The following NUDT5 variants were observed in gnomAD, a reference collection of about 807,000 sequenced individuals.
NUDT5 encodes the protein ADP-sugar pyrophosphatase.
In NUDT5, 21 loss-of-function variants were observed where a neutral mutation model predicts 34.1. The ratio of observed to expected loss-of-function variants is 0.62; its 90% CI spans 0.44 to 0.89. The LOEUF (loss-of-function observed/expected upper bound fraction) is 0.89. NUDT5 is among the 40% of genes least tolerant of loss of function. The pLI is 0.00. For missense variants in NUDT5, 249 were observed against 274.8 expected, an observed-to-expected ratio of 0.91 and a Z score of 0.66; for synonymous variants, 85 against 97.6, an observed-to-expected ratio of 0.87 and a Z score of 0.76.
intron 4 of NUDT5, 88 bp downstream of exon 4, chr10:12,178,995 G>C (rs1835000802): frequency 9.4e-7 from 1 of 1,069,100 alleles, no homozygotes; most frequent in East Asian, 2.4e-5. Flanking sequence ...CATCCTAATA[G>C]AAGTTAACTT....
chr10:12,179,397 A>G (rs77820947), intron 3 of NUDT5, among the ~76,000 whole-genome samples: 4,679 of 152,276 alleles, frequency 0.031, 132 homozygotes, highest in Non-Finnish European at 0.045. Context: ...TAAGCATGTG[A>G]GCTGCCGCTT....
At chr10:12,190,037 G>T (rs1215186504) in intron 1 of NUDT5, among the ~76,000 whole-genome samples, 1 of 152,032 alleles carries the variant, frequency 6.6e-6, no homozygotes, top group African/African-American at 2.4e-5. Context: ...GGGATTACAG[G>T]TACCTGCCAC....
intron 1 of NUDT5, among the ~76,000 whole-genome samples, chr10:12,186,644 T>C (rs547681942): frequency 6.6e-6 from 1 of 151,592 alleles, no homozygotes; most frequent in Non-Finnish European, 1.5e-5. Flanking sequence ...TTTTTGTTTT[T>C]TTTGAGAGAG....
At chr10:12,195,068 G>A (rs1473898777) in intron 1 of NUDT5, among the ~76,000 whole-genome samples, 1 of 152,210 alleles carries the variant, frequency 6.6e-6, no homozygotes, top group African/African-American at 2.4e-5. Flanking sequence ...GCTAAGGCAG[G>A]AGAATCACTT....
In NUDT5 at chr10:12,167,255, CT is replaced by C; in HGVS notation, c.*446del. ...ATTCAATTAGAAGAGGCCAAAAAGC[CT>C]TTTTTTTCTTTTTAACGCTGTTTTA... On this transcript the variant is annotated 3_prime_UTR_variant, in exon 10 of 10. Coordinates refer to ENST00000491614, the MANE Select transcript of NUDT5 (RefSeq NM_014142.4). 2 of 158,664 alleles carry C rather than the reference CT, an allele frequency of 1.3e-5. No individual in the cohort carries two copies. Among genetic ancestry groups the C allele is most frequent in the South Asian group, 1.8e-4 (1 of 5,686 alleles). The allele number at this position is 158,664 out of a possible 1,614,324, so 9.8% of individuals were successfully genotyped here.
At position 12,173,652 on chromosome 10, in the gene NUDT5, C is replaced by G; in HGVS notation, c.385+66G>C. 1 of 1,207,070 alleles carries G rather than the reference C, an allele frequency of 8.3e-7. No homozygotes were observed. Among genetic ancestry groups the G allele is most frequent in the Non-Finnish European group, 1.2e-6 (1 of 809,626 alleles). 74.8% of individuals were successfully genotyped at this position (1,207,070 alleles called of 1,614,324 possible). ...AGTGAATTCTGAGCGTAAAGAACAC[C>G]CAAATAATCAATCCCTTCCCAGACG... On this transcript the variant is annotated intron_variant, in intron 6 of 9. Coordinates refer to ENST00000491614, the MANE Select transcript of NUDT5 (RefSeq NM_014142.4). The surrounding 1 kb of genome is among the most constrained non-coding windows in gnomAD (Gnocchi z 4.7).
At chr10:12,194,292 A>C (rs536953079) in intron 1 of NUDT5, among the ~76,000 whole-genome samples, 1 of 152,326 alleles carries the variant, frequency 6.6e-6, no homozygotes, top group African/African-American at 2.4e-5. Flanking sequence ...ATCTGACCTA[A>C]ATAAATCCCC....
intron 4 of NUDT5, 24 bp from the exon 5 acceptor site, chr10:12,177,924 G>A (rs182058107): frequency 1.9e-6 from 3 of 1,580,348 alleles, no homozygotes; most frequent in East Asian, 4.5e-5. Flanking sequence ...ATGGAACCAA[G>A]GAAATCCCTA....
chr10:12,175,740 C>T lies in NUDT5; in HGVS notation c.290-1927G>A, dbSNP rs1834938538. Among the ~76,000 whole-genome samples the T allele has an allele frequency of 6.6e-6, 1 of 151,994 alleles. No individual in the cohort carries two copies. The highest frequency in any genetic ancestry group is 2.1e-4 in the South Asian group (1 of 4,816). The stretch of plus-strand genomic sequence containing the variant: ...TTGAGCCAAGGAGTTAGAGATCAGC[C>T]TGGGCAACATGGCAAAACCCCATCT... On this transcript the variant is annotated intron_variant, in intron 5 of 9. Transcript: ENST00000491614. The surrounding 1 kb of genome is among the most constrained non-coding windows in gnomAD (Gnocchi z 4.8).
intron 3 of NUDT5, chr10:12,184,539 T>C (rs1341984213): frequency 2.0e-6 from 3 of 1,534,706 alleles, no homozygotes; most frequent in Non-Finnish European, 8.8e-7. Flanking sequence ...TCTTCTAATT[T>C]AGAAATTAAA....
At position 12,171,692 on chromosome 10, in the gene NUDT5, TTTATTTATTTATTTATTTATTTATTTA is replaced by T. The variant is rs1303834368; in HGVS notation, c.488-811_488-785del. Among the ~76,000 whole-genome samples, 1 of 45,370 alleles carries T rather than the reference TTTATTTATTTATTTATTTATTTATTTA, an allele frequency of 2.2e-5. No homozygotes were observed. The highest frequency in any genetic ancestry group is 6.2e-5 in the Non-Finnish European group (1 of 16,128). The allele number at this position is 45,370 out of a possible 152,430, so 29.8% of individuals were successfully genotyped here. A position where few individuals can be genotyped will look rare whatever the true frequency, so the allele number is the denominator to read the frequency against. On this transcript the variant is annotated intron_variant, in intron 7 of 9. Coordinates refer to ENST00000491614, the MANE Select transcript of NUDT5 (RefSeq NM_014142.4). The surrounding 1 kb of genome is among the most constrained non-coding windows in gnomAD (Gnocchi z 4.2). ...AGTTCAAAAATTAAGATTTATTTTA[TTTATTTATTTATTTATTTATTTATTTA>T]TTTATTTATTTATTTATTTTTTGGA...
chr10:12,192,157 GAATAGGGAAATC>G (rs1835241541), intron 1 of NUDT5, among the ~76,000 whole-genome samples: 1 of 152,054 alleles, frequency 6.6e-6, no homozygotes, highest in Admixed American at 6.6e-5. Context: ...TTTAATAATT[GAATAGGGAAATC>G]AACAAGGCAC....
intron 7 of NUDT5, 124 bp downstream of exon 7, chr10:12,172,641 A>C (rs1834877156): frequency 1.5e-6 from 1 of 664,036 alleles, no homozygotes; most frequent in Non-Finnish European, 2.8e-6. Flanking sequence ...ATACTGATGA[A>C]GTCTATTTGA....
At chr10:12,186,200 G>A (rs1488226272) in intron 2 of NUDT5, 29 bp downstream of exon 2, 1 of 1,515,312 alleles carries the variant, frequency 6.6e-7, no homozygotes, top group Non-Finnish European at 9.2e-7. Flanking sequence ...ATGTGGGGGA[G>A]GGAAGGGAAA....
At position 12,167,778 on chromosome 10, in the gene NUDT5, G is replaced by C; in HGVS notation, c.584C>G (p.Ala195Gly). Reference protein sequence around the residue: ...LVAEEHLTVDARVYSYALALK... With the variant: ...LVAEEHLTVDGRVYSYALALK... ...TGCTAGAGCGTAGGAATAGACCCTG[G>C]CGTCCACTGTGAGATGTTCTTCAGC... Residue 195 changes from alanine (A) to glycine (G), a missense_variant, in exon 10 of 10, where the codon GCC becomes GGC. Physicochemically the swap from Ala to Gly is moderately conservative, Grantham distance 60 (BLOSUM62 0). Transcript: ENST00000491614. 1 of 1,614,170 alleles carries C rather than the reference G, an allele frequency of 6.2e-7. No individual in the cohort carries two copies. Among genetic ancestry groups the C allele is most frequent in the East Asian group, 2.2e-5 (1 of 44,884 alleles).
In NUDT5 at chr10:12,169,218, C is replaced by G. The variant is rs1400747484; in HGVS notation, c.551-1407G>C. 3 of 1,389,058 alleles carry G rather than the reference C, an allele frequency of 2.2e-6. No individual in the cohort carries two copies. The highest frequency in any genetic ancestry group is 3.0e-6 in the Non-Finnish European group (3 of 1,002,652). 86.0% of individuals were successfully genotyped at this position (1,389,058 alleles called of 1,614,324 possible). Reference sequence around the variant, plus strand: ...TATAGCCATAGTAGCCCTCTCTCCACCTCCCCTCACTTATTCTATTTTTTT... The same window carrying G: ...TATAGCCATAGTAGCCCTCTCTCCAGCTCCCCTCACTTATTCTATTTTTTT... On this transcript the variant is annotated intron_variant, in intron 9 of 9. Coordinates refer to ENST00000491614, the MANE Select transcript of NUDT5 (RefSeq NM_014142.4). This position sits in a 1 kb window ranked among gnomAD's most constrained non-coding sequence, Gnocchi z 4.8.
chr10:12,183,447 T>G (rs974642963), intron 3 of NUDT5, among the ~76,000 whole-genome samples: 1 of 152,226 alleles, frequency 6.6e-6, no homozygotes, highest in Non-Finnish European at 1.5e-5. Flanking sequence ...GTAGATATAA[T>G]CACAGTTGTT....
Position 12,182,696 on chromosome 10 carries a change from C to T in NUDT5, c.131+2193G>A, listed in dbSNP as rs188478582. Reference sequence around the variant, plus strand: ...AGGAAATGCAGGAAGGGCAGAAGACCAGTCAGGCGAAGAGATGAGCTGGCG... The same window carrying T: ...AGGAAATGCAGGAAGGGCAGAAGACTAGTCAGGCGAAGAGATGAGCTGGCG... On this transcript the variant is annotated intron_variant, in intron 3 of 9. Coordinates refer to ENST00000491614, the MANE Select transcript of NUDT5 (RefSeq NM_014142.4). The surrounding 1 kb of genome is among the most constrained non-coding windows in gnomAD (Gnocchi z 4.3). 2.9e-3 allele frequency among the ~76,000 whole-genome samples: 434 copies of T among 152,166 alleles called. 3 individuals carry two copies. Among genetic ancestry groups the T allele is most frequent in the Admixed American group, 6.8e-3 (104 of 15,286 alleles).
At chr10:12,176,643 G>A (rs1834954803) in intron 5 of NUDT5, among the ~76,000 whole-genome samples, 1 of 152,114 alleles carries the variant, frequency 6.6e-6, no homozygotes, top group South Asian at 2.1e-4. Context: ...ATAACAAATA[G>A]ATGAGATTTA....
Sources: gnomAD v4.1 joint callset for allele counts (sites outside exome capture counted in the v4.1 genomes callset) on GRCh38, gnomAD v4.1.1 for gene constraint, Gnocchi (gnomAD v3.1) non-coding constraint, MANE v1.5 for transcripts, NCBI Gene and HGNC (gene_info 2026-07-23, HGNC 2026-07-21) for gene names.